Variants in KLHL1 observed in about 807,000 individuals in gnomAD.
KLHL1 encodes kelch like family member 1.
A neutral mutation model predicts 77.7 loss-of-function variants in KLHL1; 47 were observed. That is an observed-to-expected ratio of 0.60 (90% CI 0.48 to 0.77). KLHL1 has a LOEUF of 0.77. Ranked by LOEUF, KLHL1 falls within the 30% of genes least tolerant of loss-of-function variation. KLHL1 has a pLI of 0.00. For synonymous variants in KLHL1, 360 were observed against 325.2 expected, an observed-to-expected ratio of 1.11 and a Z score of -1.15; for missense variants, 925 against 910.8, an observed-to-expected ratio of 1.02 and a Z score of -0.20.
intron 3 of KLHL1, among the ~76,000 whole-genome samples, chr13:69,955,996 G>GATATGTATTTATATATATTTGAT (rs1883861235): frequency 4.2e-5 from 5 of 119,434 alleles, no homozygotes. Flanking sequence ...ATATTTATTT[G>GATATGTATTTATATATATTTGAT]ATATATATTT....
chr13:69,788,306 A>G lies in KLHL1; in HGVS notation c.1639+8432T>C, dbSNP rs563846873. Among the ~76,000 whole-genome samples, 3 of 152,378 alleles carry G rather than the reference A, an allele frequency of 2.0e-5. No individual in the cohort carries two copies. In the East Asian group the frequency reaches 5.8e-4, roughly 29 times the overall value. ...ACTGGATTAAGAAAATATGGCACAT[A>G]TACACCATGGAATACTATGCAGCCA... is the stretch of plus-strand genomic sequence containing the variant. On this transcript the variant is annotated intron_variant, in intron 7 of 10. Transcript: ENST00000377844.
chr13:69,865,438 G>A (rs761113900), intron 5 of KLHL1, among the ~76,000 whole-genome samples: 32 of 152,122 alleles, frequency 2.1e-4, no homozygotes, highest in Non-Finnish European at 4.7e-4. Flanking sequence ...ATGATTCTAA[G>A]GATATGGTAT....
At chr13:69,861,337 G>A (rs1375001382) in intron 5 of KLHL1, among the ~76,000 whole-genome samples, 3 of 151,824 alleles carry the variant, frequency 2.0e-5, no homozygotes, top group Admixed American at 1.3e-4. Flanking sequence ...AATTTGTATA[G>A]ATACTTTATA....
intron 5 of KLHL1, among the ~76,000 whole-genome samples, chr13:69,841,439 A>G (rs1037277898): frequency 1.3e-5 from 2 of 149,660 alleles, no homozygotes; most frequent in East Asian, 3.9e-4. Flanking sequence ...TTGAGAAAAA[A>G]AAACAAGTAG....
At chr13:69,946,124 A>G (rs1248275193) in intron 3 of KLHL1, among the ~76,000 whole-genome samples, 1 of 152,196 alleles carries the variant, frequency 6.6e-6, no homozygotes, top group Admixed American at 6.5e-5. Context: ...ATTCTTGAAA[A>G]TCCCAAAAAA....
intron 5 of KLHL1, among the ~76,000 whole-genome samples, chr13:69,847,194 T>C (rs2113360): frequency 0.93 from 141,416 of 151,296 alleles, 66,315 homozygotes; most frequent in East Asian, 0.99. Context: ...CTGGATGACC[T>C]ACTTTTATTA....
At position 69,808,189 on chromosome 13, in the gene KLHL1, G is replaced by C. The variant is rs1303841008; in HGVS notation, c.1415-11227C>G. Among the ~76,000 whole-genome samples the C allele has an allele frequency of 2.0e-5, 3 of 152,016 alleles. No individual in the cohort carries two copies. The East Asian group carries it at 5.8e-4, about 29-fold the overall frequency. ...AGACTCAGCAGTGGCTCTTCCCACTGGGCCCAGGAAGTGTGGGTTGAAAGA... is the reference window on the plus strand; with the variant it reads ...AGACTCAGCAGTGGCTCTTCCCACTCGGCCCAGGAAGTGTGGGTTGAAAGA... On this transcript the variant is annotated intron_variant, in intron 6 of 10. Coordinates refer to ENST00000377844, the MANE Select transcript of KLHL1 (RefSeq NM_020866.3).
intron 1 of KLHL1, among the ~76,000 whole-genome samples, chr13:70,076,784 C>T (rs556404059): frequency 6.6e-6 from 1 of 151,642 alleles, no homozygotes; most frequent in East Asian, 1.9e-4. Context: ...CTCCAAAACA[C>T]AACAATGAGA....
At chr13:70,055,257 C>T (rs539921532) in intron 1 of KLHL1, among the ~76,000 whole-genome samples, 1 of 152,028 alleles carries the variant, frequency 6.6e-6, no homozygotes, top group African/African-American at 2.4e-5. Flanking sequence ...CAGAAGAGGC[C>T]AATATGTCAA....
At chr13:69,990,852 A>T (rs1368391402) in intron 1 of KLHL1, among the ~76,000 whole-genome samples, 1 of 151,952 alleles carries the variant, frequency 6.6e-6, no homozygotes, top group African/African-American at 2.4e-5. Flanking sequence ...GACAGAATAT[A>T]TACTTTTTGT....
In KLHL1 at chr13:69,889,043, C is replaced by CATATAT. The variant is rs143899294; in HGVS notation, c.1015-6554_1015-6549dup. 3.5e-3 allele frequency among the ~76,000 whole-genome samples: 526 copies of CATATAT among 148,454 alleles called. 8 individuals carry two copies. The highest frequency in any genetic ancestry group is 0.017 in the Admixed American group (248 of 14,778). On this transcript the variant is annotated intron_variant, in intron 4 of 10. Coordinates refer to ENST00000377844, the MANE Select transcript of KLHL1 (RefSeq NM_020866.3). ...AAGGCTGCATATATGTTGCATAGGT[C>CATATAT]ATATATATATATATATAATTTTCTA...
Position 69,707,776 on chromosome 13 carries a change from G to C in KLHL1, c.2036C>G (p.Thr679Ser). Residue 679 changes from threonine to serine, a missense_variant, in exon 10 of 11, where the codon ACT becomes AGT. Physicochemically the swap from Thr to Ser is moderately conservative, Grantham distance 58. Coordinates refer to ENST00000377844, the MANE Select transcript of KLHL1 (RefSeq NM_020866.3). ...YVERYDPKTD[T>S]WTMVAPLSMP... ...ACTCAAAGGAGCCACCATGGTCCAA[G>C]TGTCTGTTTTGGGATCATATCTAAA... The C allele has an allele frequency of 6.2e-7, 1 of 1,612,448 alleles. No homozygotes were observed. Among genetic ancestry groups the C allele is most frequent in the Non-Finnish European group, 8.5e-7 (1 of 1,179,008 alleles).
In KLHL1 at chr13:69,755,346, T is replaced by C. The variant is rs540567441; in HGVS notation, c.1640-14790A>G. Among the ~76,000 whole-genome samples the C allele has an allele frequency of 3.3e-5, 5 of 152,042 alleles. No homozygotes were observed. In the South Asian group the frequency reaches 1.0e-3, roughly 32 times the overall value. ...TCCTGAGGCTTCACTAAAAGGTTTG[T>C]GGATGCCAGCATCATGCTTCCTGTA... is the stretch of plus-strand genomic sequence containing the variant. On this transcript the variant is annotated intron_variant, in intron 7 of 10. Transcript: ENST00000377844.
At chr13:69,867,663 ATTTAC>A (rs944029367) in intron 5 of KLHL1, among the ~76,000 whole-genome samples, 1 of 151,968 alleles carries the variant, frequency 6.6e-6, no homozygotes, top group African/African-American at 2.4e-5. Context: ...ATAAAGACAT[ATTTAC>A]TTTAGTAAAA....
At chr13:69,998,741 C>G (rs991459424) in intron 1 of KLHL1, among the ~76,000 whole-genome samples, 1 of 152,006 alleles carries the variant, frequency 6.6e-6, no homozygotes, top group Non-Finnish European at 1.5e-5. Flanking sequence ...TCTCTGATGG[C>G]TTGGGTTGTC....
chr13:69,733,254 A>G (rs113185753), intron 8 of KLHL1, among the ~76,000 whole-genome samples: 2,094 of 152,174 alleles, frequency 0.014, 42 homozygotes, highest in African/African-American at 0.048. Context: ...CTGAACTTAC[A>G]TATCTCCCCC....
At chr13:69,899,747 G>A (rs892124754) in intron 4 of KLHL1, among the ~76,000 whole-genome samples, 1 of 152,122 alleles carries the variant, frequency 6.6e-6, no homozygotes, top group African/African-American at 2.4e-5. Context: ...GGAGGTCTGG[G>A]ATAACCAAAT....
At chr13:69,897,192 T>A (rs1881677932) in intron 4 of KLHL1, among the ~76,000 whole-genome samples, 1 of 152,208 alleles carries the variant, frequency 6.6e-6, no homozygotes, top group South Asian at 2.1e-4. Flanking sequence ...TCTTTGTCCT[T>A]CTCTTTAGTA....
At chr13:69,766,480 A>G (rs1013504019) in intron 7 of KLHL1, among the ~76,000 whole-genome samples, 3 of 149,900 alleles carry the variant, frequency 2.0e-5, no homozygotes, top group Non-Finnish European at 3.0e-5. Context: ...TTATATATAT[A>G]TACATATATA....
Sources: gnomAD v4.1 joint callset for allele counts (sites outside exome capture counted in the v4.1 genomes callset) on GRCh38, gnomAD v4.1.1 for gene constraint, MANE v1.5 for transcripts, NCBI Gene and HGNC (gene_info 2026-07-23, HGNC 2026-07-21) for gene names.